GP2: variants seen among roughly 807,000 people sequenced by gnomAD.
GP2 encodes the protein pancreatic secretory granule membrane major glycoprotein GP2.
Under a neutral mutation model 60.8 loss-of-function variants are expected in GP2, and 58 were observed. That is an observed-to-expected ratio of 0.95 (90% confidence interval 0.77 to 1.19). The LOEUF (loss-of-function observed/expected upper bound fraction) is 1.19. Among genes scored for constraint, GP2 ranks in the 50% most tolerant of loss-of-function variants. GP2 has a pLI of 0.00. For synonymous variants in GP2, 280 were observed against 253.4 expected (o/e 1.10, Z -1.00); for missense variants, 647 against 667.4 (o/e 0.97, Z 0.34).
At chr16:20,322,249 A>G (rs1964386662) in intron 4 of GP2, among the ~76,000 whole-genome samples, 1 of 152,162 alleles carries the variant, frequency 6.6e-6, no homozygotes, top group South Asian at 2.1e-4. Context: ...GAGTTCAGTG[A>G]TGGAGGGAAA....
chr16:20,323,922 G>A lies in GP2; in HGVS notation c.429C>T (p.Gly143=). 1 of 1,614,026 alleles carries A rather than the reference G, an allele frequency of 6.2e-7. No individual in the cohort carries two copies. The highest frequency in any genetic ancestry group is 8.5e-7 in the Non-Finnish European group (1 of 1,179,864). The change falls in exon 3 of 11, where the codon GGC becomes GGT. Residue 143 remains glycine, a synonymous_variant. Transcript: ENST00000302555. ...CCTCTGTTTTCCAGAAACAGCAGTT[G>A]CCACTCCAATGGGCACAGGCAGTGT... ...TNHTACAHWS[G]NCCFWKTEVL...
chr16:20,322,179 T>C lies in GP2; in HGVS notation c.646+690A>G, dbSNP rs1964383542. 2.0e-5 allele frequency among the ~76,000 whole-genome samples: 3 copies of C among 152,190 alleles called. No homozygotes were observed. The South Asian group carries it at 6.2e-4, about 32-fold the overall frequency. Reference sequence around the variant, plus strand: ...AGAACACTCTCTCTTCCATAGGGACTTGTAGTGTGCTCAGAGGAAGGCATG... The same window carrying C: ...AGAACACTCTCTCTTCCATAGGGACCTGTAGTGTGCTCAGAGGAAGGCATG... On this transcript the variant is annotated intron_variant, in intron 4 of 10. Coordinates refer to ENST00000302555, the MANE Select transcript of GP2 (RefSeq NM_001502.4).
At chr16:20,316,829 T>C (rs1567286999) in intron 8 of GP2, among the ~76,000 whole-genome samples, 1 of 151,132 alleles carries the variant, frequency 6.6e-6, no homozygotes, top group Non-Finnish European at 1.5e-5. Flanking sequence ...CCTGCTTCCT[T>C]CCTTCTCTCC....
chr16:20,324,706 G>A (rs562029608), intron 2 of GP2, among the ~76,000 whole-genome samples: 1 of 152,188 alleles, frequency 6.6e-6, no homozygotes, highest in East Asian at 1.9e-4. Context: ...CTTCTTCTTA[G>A]GCAAGTTTAA....
At chr16:20,324,760 C>T (rs1385661583) in intron 2 of GP2, among the ~76,000 whole-genome samples, 1 of 152,160 alleles carries the variant, frequency 6.6e-6, no homozygotes, top group African/African-American at 2.4e-5. Context: ...TAATTCTGTG[C>T]AACATCTTTT....
intron 2 of GP2, 78 bp downstream of exon 2, chr16:20,326,260 G>T: frequency 7.3e-7 from 1 of 1,364,680 alleles, no homozygotes. Flanking sequence ...CCTTACCTGA[G>T]CCACCTTCTC....
At chr16:20,315,508 T>G (rs1964136935) in intron 9 of GP2, among the ~76,000 whole-genome samples, 1 of 152,156 alleles carries the variant, frequency 6.6e-6, no homozygotes, top group Non-Finnish European at 1.5e-5. Flanking sequence ...AAAGTTGCAT[T>G]TAGACGGGAT....
chr16:20,313,436 A>G lies in GP2; in HGVS notation c.1546+1221T>C, dbSNP rs571784671. On this transcript the variant is annotated intron_variant, in intron 10 of 10. Coordinates refer to ENST00000302555, the MANE Select transcript of GP2 (RefSeq NM_001502.4). ...GCCTTTTATGTACTCTTTCTGTACT[A>G]TCTACTTGCTTGTCATTTATTTGCT... 4.6e-5 allele frequency among the ~76,000 whole-genome samples: 7 copies of G among 152,266 alleles called. No individual in the cohort carries two copies. The East Asian group carries it at 1.4e-3, about 29-fold the overall frequency.
Position 20,309,628 on chromosome 16 carries a change from T to C in GP2, c.*1595A>G, listed in dbSNP as rs993871150. 2 of 152,128 alleles carry C rather than the reference T, an allele frequency of 1.3e-5. No homozygotes were observed. Among genetic ancestry groups the C allele is most frequent in the African/African-American group, 4.8e-5 (2 of 41,422 alleles). 9.4% of individuals were successfully genotyped at this position (152,128 alleles called of 1,614,324 possible). ...GGATGAGTGAACAGGAAAAGCTGGC[T>C]TCAGAGACATAAAAAGAAAACAAAA... On this transcript the variant is annotated 3_prime_UTR_variant, in exon 11 of 11. Coordinates refer to ENST00000302555, the MANE Select transcript of GP2 (RefSeq NM_001502.4).
intron 3 of GP2, chr16:20,323,509 C>G (rs1964436685): frequency 2.5e-5 from 12 of 488,276 alleles, no homozygotes; most frequent in South Asian, 2.1e-4. Context: ...TTTTTCAGAT[C>G]AGAACACTGA....
Position 20,324,188 on chromosome 16 carries a change from C to A in GP2, c.163G>T (p.Glu55Ter). ...CAGGGGTCAAAACAGACATGAGCCTCTGGGGTGCCAGGAGCTCCGCAGTCC... is the reference window on the plus strand; with the variant it reads ...CAGGGGTCAAAACAGACATGAGCCTATGGGGTGCCAGGAGCTCCGCAGTCC... ...DLDCGAPGTPEAHVCFDPCQN... is the reference protein window; with the variant it reads ...DLDCGAPGTP Residue 55 changes from glutamate (E) to a stop codon, truncating the protein, a stop_gained, in exon 3 of 11, where the codon GAG (glutamate) becomes TAG (stop). Transcript: ENST00000302555. LOFTEE classifies it high-confidence loss of function. The A allele has an allele frequency of 1.2e-6, 2 of 1,613,966 alleles. No homozygotes were observed. Among genetic ancestry groups the A allele is most frequent in the Non-Finnish European group, 1.7e-6 (2 of 1,179,820 alleles).
At position 20,316,015 on chromosome 16, in the gene GP2, C is replaced by T; in HGVS notation, c.1442G>A (p.Ser481Asn). 1 of 1,612,898 alleles carries T rather than the reference C, an allele frequency of 6.2e-7. No homozygotes were observed. Among genetic ancestry groups the T allele is most frequent in the South Asian group, 1.1e-5 (1 of 91,048 alleles). Reference sequence around the variant, plus strand: ...GGCTAGGTCGATGGCCGGTACTTCACTGCGGACTTGACTTCTTGAGCAAGA... The same window carrying T: ...GGCTAGGTCGATGGCCGGTACTTCATTGCGGACTTGACTTCTTGAGCAAGA... ...QPSCSRSQVRSEVPAIDLARV... is the reference protein window; with the variant it reads ...QPSCSRSQVRNEVPAIDLARV... The change falls in exon 9 of 11, where the codon AGT becomes AAT. Residue 481 changes from serine (S) to asparagine (N), a missense_variant. By Grantham distance (46) the Ser-to-Asn change is conservative. Coordinates refer to ENST00000302555, the MANE Select transcript of GP2 (RefSeq NM_001502.4).
At chr16:20,319,219 C>T (rs4412979) in intron 6 of GP2, among the ~76,000 whole-genome samples, 61,628 of 151,952 alleles carry the variant, frequency 0.41, 14,558 homozygotes, top group East Asian at 0.78. Context: ...CTGTTCCCTG[C>T]TCCCAAAGCA....
chr16:20,315,743 T>C (rs563441630), intron 9 of GP2, among the ~76,000 whole-genome samples: 170 of 152,306 alleles, frequency 1.1e-3, no homozygotes, highest in Non-Finnish European at 1.8e-3. Flanking sequence ...AATTGATGGA[T>C]GCAAGAGCTT....
chr16:20,327,175 C>A, intron 1 of GP2: 1 of 253,914 alleles, frequency 3.9e-6, no homozygotes, highest in Non-Finnish European at 7.8e-6. Flanking sequence ...GATAGGGAAG[C>A]ACCCAGGATT....
Position 20,318,416 on chromosome 16 carries a change from C to A in GP2, c.1022G>T (p.Ser341Ile), listed in dbSNP as rs745346237. The change falls in exon 7 of 11, where the codon AGT (serine) becomes ATT (isoleucine). Residue 341 changes from serine (S) to isoleucine (I), a missense_variant. Physicochemically the swap from Ser to Ile is moderately radical, Grantham distance 142. Coordinates refer to ENST00000302555, the MANE Select transcript of GP2 (RefSeq NM_001502.4). Reference protein sequence around the residue: ...LQPIVSSLNVSVDGNGEFIVR... With the variant: ...LQPIVSSLNVIVDGNGEFIVR... ...AATGAACTCTCCATTCCCGTCCACA[C>A]TGACGTTCAGGGAACTGAGAAAAAG... 2.5e-6 allele frequency: 4 copies of A among 1,613,612 alleles called. 1 individual carries two copies. The Admixed American group carries it at 5.0e-5, about 20-fold the overall frequency.
chr16:20,325,149 G>T (rs1003552938), intron 2 of GP2, among the ~76,000 whole-genome samples: 2 of 152,238 alleles, frequency 1.3e-5, no homozygotes, highest in African/African-American at 4.8e-5. Flanking sequence ...GTCAGGCTGA[G>T]TTTAAATCCA....
rs1196225361 is a variant in GP2 at position 20,319,737 on chromosome 16, G to A, written c.890C>T (p.Thr297Ile). ...GATGAAATCATTGACCAAGGAGAGG[G>A]TGTTTTTGTAGATGGCATGGGTTTG... ...RNQTHAIYKN[T>I]LSLVNDFIIR... The change falls in exon 6 of 11, where the codon ACC becomes ATC. Residue 297 changes from threonine to isoleucine, a missense_variant. Coordinates refer to ENST00000302555, the MANE Select transcript of GP2 (RefSeq NM_001502.4). The A allele has an allele frequency of 1.2e-6, 2 of 1,612,622 alleles. No individual in the cohort carries two copies. Among genetic ancestry groups the A allele is most frequent in the Middle Eastern group, 1.6e-4 (1 of 6,084 alleles).
intron 10 of GP2, among the ~76,000 whole-genome samples, chr16:20,314,411 G>C (rs1964094222): frequency 6.6e-6 from 1 of 151,828 alleles, no homozygotes; most frequent in African/African-American, 2.4e-5. Flanking sequence ...GTAGGCACCT[G>C]GGCTGTTTTG....
Sources: allele counts gnomAD v4.1 joint callset (sites outside exome capture counted in the v4.1 genomes callset), GRCh38; gene constraint gnomAD v4.1.1; transcripts MANE v1.5; gene names NCBI Gene and HGNC (gene_info 2026-07-23, HGNC 2026-07-21).